ZNF449: variants seen among roughly 807,000 people sequenced by gnomAD.
ZNF449 encodes the protein zinc finger protein 449, also known as zinc finger and SCAN domain-containing protein 19.
ZNF449 carries 4 observed loss-of-function variants against 32.6 expected under a neutral mutation model. That is an observed-to-expected ratio of 0.12 (90% CI 0.06 to 0.28). The LOEUF (loss-of-function observed/expected upper bound fraction) is 0.28. ZNF449 is among the 10% of genes least tolerant of loss of function. The pLI is 1.00. For synonymous variants in ZNF449, 123 were observed against 132.2 expected, an observed-to-expected ratio of 0.93 and a Z score of 0.48; for missense variants, 275 against 383.2, an observed-to-expected ratio of 0.72 and a Z score of 2.36.
intron 3 of ZNF449, among the ~76,000 whole-genome samples, chrX:135,359,023 T>TA (rs2084931728): frequency 8.9e-6 from 1 of 112,173 alleles, no homozygotes; most frequent in South Asian, 3.7e-4. Context: ...TTCTGGAATT[T>TA]AAATTTTACG....
intron 3 of ZNF449, among the ~76,000 whole-genome samples, chrX:135,350,377 C>T (rs782082303): frequency 9.0e-6 from 1 of 111,564 alleles, no homozygotes; most frequent in South Asian, 3.8e-4. Flanking sequence ...ATCCTCTCCC[C>T]GACTCCCCCA....
At chrX:135,358,850 TCA>T (rs2084931087) in intron 3 of ZNF449, among the ~76,000 whole-genome samples, 1 of 111,980 alleles carries the variant, frequency 8.9e-6, no homozygotes, top group Non-Finnish European at 1.9e-5. Context: ...CCCTGTAATT[TCA>T]CTCTTAGCTT....
At chrX:135,359,755 T>G in intron 3 of ZNF449, 137 bp from the exon 4 acceptor site, 1 of 421,017 alleles carries the variant, frequency 2.4e-6, no homozygotes, top group Non-Finnish European at 4.3e-6. Context: ...AAGACTGTTG[T>G]AAGAGACTCA....
chrX:135,361,085 A>T lies in ZNF449; in HGVS notation c.*9A>T. On this transcript the variant is annotated 3_prime_UTR_variant, in exon 5 of 5. Transcript: ENST00000339249. ...TTAGAGGACTTATTTAAGAATTGCTAAGGGAAACAGGTCTTACACAAATTG... is the reference window on the plus strand; with the variant it reads ...TTAGAGGACTTATTTAAGAATTGCTTAGGGAAACAGGTCTTACACAAATTG... The T allele has an allele frequency of 1.7e-6, 2 of 1,147,400 alleles. No homozygotes were observed. The highest frequency in any genetic ancestry group is 4.4e-5 in the South Asian group (2 of 45,906). 94.6% of individuals were successfully genotyped at this position (1,147,400 alleles called of 1,213,427 possible).
Position 135,361,151 on chromosome X carries a change from T to A in ZNF449, c.*75T>A. On this transcript the variant is annotated 3_prime_UTR_variant, in exon 5 of 5. Transcript: ENST00000339249. ...AAATCTTAACCTGCAGCAGGCTGTT[T>A]GTCTTGGAAGCTTTTGTTTGAGCTT... The A allele has an allele frequency of 1.0e-6, 1 of 965,180 alleles. No individual in the cohort carries two copies. Among genetic ancestry groups the A allele is most frequent in the East Asian group, 3.2e-5 (1 of 31,528 alleles). 79.5% of individuals were successfully genotyped at this position (965,180 alleles called of 1,213,427 possible). A position where few individuals can be genotyped will look rare whatever the true frequency, so the allele number is the denominator to read the frequency against.
intron 3 of ZNF449, among the ~76,000 whole-genome samples, chrX:135,358,381 A>G (rs1569497962): frequency 8.9e-6 from 1 of 111,786 alleles, no homozygotes; most frequent in Admixed American, 9.5e-5. Flanking sequence ...AGGAAAATAC[A>G]TATATATTAT....
intron 2 of ZNF449, chrX:135,348,828 G>A (rs1556449327): frequency 2.8e-6 from 3 of 1,056,037 alleles, no homozygotes; most frequent in South Asian, 4.1e-5. Flanking sequence ...AATACAAATT[G>A]AGATCTGCTG....
rs144840921 is a variant in ZNF449, at chrX:135,360,578, C to T, written c.1059C>T (p.Cys353=). Residue 353 remains cysteine (C), a synonymous_variant, in exon 5 of 5, where the codon TGC becomes TGT. Coordinates refer to ENST00000339249, the MANE Select transcript of ZNF449 (RefSeq NM_152695.6). Reference sequence around the variant, plus strand: ...ATTCAGGAGAAGAACCTCACAAATGCCCTGAATGTGGGAAAAGATTCCTTC... The same window carrying T: ...ATTCAGGAGAAGAACCTCACAAATGTCCTGAATGTGGGAAAAGATTCCTTC... The part of the protein sequence containing the change: ...RIHSGEEPHK[C]PECGKRFLRS... The T allele has an allele frequency of 5.0e-5, 60 of 1,209,995 alleles. No homozygotes were observed. The African/African-American group carries it at 7.5e-4, about 15-fold the overall frequency.
chrX:135,348,601 G>A, intron 2 of ZNF449: 1 of 342,904 alleles, frequency 2.9e-6, no homozygotes, highest in South Asian at 5.3e-5. Context: ...GTCTATGGGG[G>A]TTCTCTGCAG....
intron 4 of ZNF449, 31 bp downstream of exon 4, chrX:135,360,036 G>GA (rs782681513): frequency 3.9e-4 from 416 of 1,056,796 alleles, no homozygotes; most frequent in South Asian, 7.0e-4. Context: ...ATACTAGTGG[G>GA]AAAAAAAAAG....
intron 3 of ZNF449, among the ~76,000 whole-genome samples, chrX:135,357,181 C>T (rs1381582162): frequency 9.0e-6 from 1 of 111,116 alleles, no homozygotes; most frequent in Non-Finnish European, 1.9e-5. Context: ...GTTGTTTGTG[C>T]TTTTGATGTC....
At position 135,347,140 on chromosome X, in the gene ZNF449, G is replaced by A. The variant is rs2084853179; in HGVS notation, c.22G>A (p.Ala8Thr). MAVALGC[A>T]IQASLNQGSV... ...GGCGATGGCTGTGGCCCTGGGTTGTGCAATCCAGGCATCCTTGAATCAAGG... is the reference window on the plus strand; with the variant it reads ...GGCGATGGCTGTGGCCCTGGGTTGTACAATCCAGGCATCCTTGAATCAAGG... Residue 8 changes from alanine (A) to threonine (T), a missense_variant, in exon 2 of 5, where the codon GCA (alanine) becomes ACA (threonine). Ala to Thr is a moderately conservative substitution (Grantham distance 58, BLOSUM62 0). Coordinates refer to ENST00000339249, the MANE Select transcript of ZNF449 (RefSeq NM_152695.6). 8.3e-7 allele frequency: 1 copy of A among 1,209,253 alleles called. No homozygotes were observed. Among genetic ancestry groups the A allele is most frequent in the East Asian group, 3.0e-5 (1 of 33,842 alleles).
intron 3 of ZNF449, among the ~76,000 whole-genome samples, chrX:135,359,133 C>G (rs2084932258): frequency 9.0e-6 from 1 of 110,797 alleles, no homozygotes; most frequent in Non-Finnish European, 1.9e-5. Flanking sequence ...TAATTTACAG[C>G]CCACATTTCA....
In ZNF449 at chrX:135,361,204, A is replaced by G; in HGVS notation, c.*128A>G. ...AAGAACATAGACAGCTTTTTTTTTT[A>G]CTAGTTTTAAAACCCATCTTCCAAG... On this transcript the variant is annotated 3_prime_UTR_variant, in exon 5 of 5. Coordinates refer to ENST00000339249, the MANE Select transcript of ZNF449 (RefSeq NM_152695.6). 1.9e-6 allele frequency: 1 copy of G among 516,599 alleles called. No individual in the cohort carries two copies. The allele number at this position is 516,599 out of a possible 1,213,427, so 42.6% of individuals were successfully genotyped here. A position where few individuals can be genotyped will look rare whatever the true frequency, so the allele number is the denominator to read the frequency against.
intron 1 of ZNF449, among the ~76,000 whole-genome samples, chrX:135,345,368 C>G (rs1452241085): frequency 9.0e-6 from 1 of 111,600 alleles, no homozygotes; most frequent in Non-Finnish European, 1.9e-5. Context: ...TTGGGTCAGT[C>G]AGGGAAGGGC....
At chrX:135,350,940 A>G (rs2084882962) in intron 3 of ZNF449, among the ~76,000 whole-genome samples, 1 of 111,130 alleles carries the variant, frequency 9.0e-6, no homozygotes, top group Admixed American at 9.6e-5. Flanking sequence ...CAACATGTGC[A>G]ACGTTCTGAA....
At chrX:135,354,760 TG>T (rs1429454267) in intron 3 of ZNF449, among the ~76,000 whole-genome samples, 1 of 111,108 alleles carries the variant, frequency 9.0e-6, no homozygotes, top group Non-Finnish European at 1.9e-5. Context: ...CAGCTAGACT[TG>T]AGGGCCAATA....
rs1556453834 is a variant in ZNF449, at chrX:135,361,119, T to A, written c.*43T>A. 1.9e-6 allele frequency: 2 copies of A among 1,068,538 alleles called. No individual in the cohort carries two copies. Among genetic ancestry groups the A allele is most frequent in the African/African-American group, 1.9e-5 (1 of 53,127 alleles). 88.1% of individuals were successfully genotyped at this position (1,068,538 alleles called of 1,213,427 possible). ...AGGTCTTACACAAATTGACACTAAC[T>A]CAAAAAAAATCTTAACCTGCAGCAG... On this transcript the variant is annotated 3_prime_UTR_variant, in exon 5 of 5. Transcript: ENST00000339249.
chrX:135,347,545 A>G (rs1218140238), intron 2 of ZNF449, 73 bp downstream of exon 2: 3 of 1,185,021 alleles, frequency 2.5e-6, no homozygotes, highest in Admixed American at 4.7e-5. Flanking sequence ...TAGACCACAC[A>G]TTTGTCTCTA....
Sources: allele counts gnomAD v4.1 joint callset (sites outside exome capture counted in the v4.1 genomes callset), GRCh38; gene constraint gnomAD v4.1.1; transcripts MANE v1.5; gene names NCBI Gene and HGNC (gene_info 2026-07-23, HGNC 2026-07-21).